TACC2: variants seen among roughly 807,000 people sequenced by gnomAD.
TACC2 encodes the protein transforming acidic coiled-coil-containing protein 2.
TACC2 carries 137 observed loss-of-function variants against 227.3 expected under a neutral mutation model. The observed-to-expected ratio is 0.60, with a 90% CI of 0.52 to 0.69. The LOEUF (loss-of-function observed/expected upper bound fraction) is 0.69. Among genes scored for constraint, TACC2 ranks in the 30% least tolerant of loss-of-function variants. The probability of loss-of-function intolerance (pLI) is 0.00; values close to 1 mark genes in which losing one functional copy is unlikely to be tolerated. For missense variants in TACC2, 3,470 were observed against 3,694.4 expected, an observed-to-expected ratio of 0.94 and a Z score of 1.57; for synonymous variants, 1,523 against 1,487.5, an observed-to-expected ratio of 1.02 and a Z score of -0.55.
chr10:121,991,440 C>G (rs4752630), intron 1 of TACC2, among the ~76,000 whole-genome samples: 24,261 of 152,220 alleles, frequency 0.16, 2,266 homozygotes, highest in Admixed American at 0.24. Flanking sequence ...CAAATAGGAA[C>G]TAATATGAAA....
intron 19 of TACC2, 72 bp from the exon 20 acceptor site, chr10:122,248,571 C>T: frequency 1.9e-6 from 3 of 1,582,468 alleles, no homozygotes; most frequent in Non-Finnish European, 2.6e-6. Flanking sequence ...GCATCTGAGG[C>T]CTCGGCTGGC....
Position 122,084,025 on chromosome 10 carries a change from G to C in TACC2, c.1525G>C (p.Val509Leu). Residue 509 changes from valine to leucine, a missense_variant, in exon 4 of 23, where the codon GTC becomes CTC. Transcript: ENST00000369005. ...CTTGAACACGGAGCAAAGCCATGAG[G>C]TCCAACCAGGAGTACCACCCCCTCC... Reference protein sequence around the residue: ...EHLNTEQSHEVQPGVPPPPLP... With the variant: ...EHLNTEQSHELQPGVPPPPLP... 2 of 1,613,906 alleles carry C rather than the reference G, an allele frequency of 1.2e-6. No homozygotes were observed. The highest frequency in any genetic ancestry group is 1.7e-6 in the Non-Finnish European group (2 of 1,179,964).
intron 12 of TACC2, 55 bp downstream of exon 12, chr10:122,224,842 C>A: frequency 1.4e-6 from 2 of 1,423,438 alleles, no homozygotes; most frequent in Non-Finnish European, 2.0e-6. Context: ...CCTTCAGGGG[C>A]CTCCTCCCCT....
intron 7 of TACC2, among the ~76,000 whole-genome samples, chr10:122,177,101 A>G (rs2093754537): frequency 6.6e-6 from 1 of 152,216 alleles, no homozygotes; most frequent in Admixed American, 6.5e-5. Flanking sequence ...GTGTTTTACA[A>G]AAGGGCAGCT....
At chr10:122,237,252 T>A (rs965615353) in intron 16 of TACC2, 143 bp from the exon 17 acceptor site, 1 of 786,722 alleles carries the variant, frequency 1.3e-6, no homozygotes, top group Non-Finnish European at 1.9e-6. Context: ...TCCCTGTTCA[T>A]CAGTCTTTGC....
chr10:122,168,554 G>A lies in TACC2; in HGVS notation c.5834+24848G>A, dbSNP rs138810856. Among the ~76,000 whole-genome samples, 556 of 152,248 alleles carry A rather than the reference G, an allele frequency of 3.7e-3. 4 individuals carry two copies. Among genetic ancestry groups the A allele is most frequent in the African/African-American group, 0.013 (528 of 41,548 alleles). ...GACTTGCCTGGAGGCTTTCTCTTAG[G>A]TGGGCTGAAGGCAAATATATTCCGA... On this transcript the variant is annotated intron_variant, in intron 7 of 22. Coordinates refer to ENST00000369005, the MANE Select transcript of TACC2 (RefSeq NM_206862.4).
chr10:121,995,985 C>T (rs1246805881), intron 1 of TACC2, among the ~76,000 whole-genome samples: 1 of 152,174 alleles, frequency 6.6e-6, no homozygotes, highest in East Asian at 1.9e-4. Context: ...AACTCCTGAC[C>T]TCGTGATCTG....
Position 122,193,844 on chromosome 10 carries a change from T to G in TACC2, c.5835-1196T>G, listed in dbSNP as rs540547597. Among the ~76,000 whole-genome samples the G allele has an allele frequency of 2.0e-5, 3 of 152,228 alleles. No individual in the cohort carries two copies. In the South Asian group the frequency reaches 6.2e-4, roughly 32 times the overall value. ...GGCTTAGTACTGGGGGAAGCCTTAT[T>G]CTTTCTGGCTTAAAATTGAGTCACC... is the stretch of plus-strand genomic sequence containing the variant. On this transcript the variant is annotated intron_variant, in intron 7 of 22. Coordinates refer to ENST00000369005, the MANE Select transcript of TACC2 (RefSeq NM_206862.4).
At position 122,211,403 on chromosome 10, in the gene TACC2, T is replaced by C; in HGVS notation, c.6978T>C (p.Asn2326=). ...CTCCCAGATCCCCTGCTGAACCCAA[T>C]GACATCCCCATTGCTAAAGGTACTT... The part of the protein sequence containing the change: ...ASPPRSPAEP[N]DIPIAKGTYT... The change falls in exon 9 of 23, where the codon AAT becomes AAC. Residue 2326 remains asparagine (N), a synonymous_variant. Transcript: ENST00000369005. 2 of 1,614,032 alleles carry C rather than the reference T, an allele frequency of 1.2e-6. No homozygotes were observed. The highest frequency in any genetic ancestry group is 1.1e-5 in the South Asian group (1 of 91,042).
chr10:122,131,075 G>A (rs2087985352), intron 5 of TACC2, among the ~76,000 whole-genome samples: 1 of 151,788 alleles, frequency 6.6e-6, no homozygotes, highest in Non-Finnish European at 1.5e-5. Context: ...CATTTGGGGA[G>A]GCTGAAGTGG....
intron 10 of TACC2, 38 bp downstream of exon 10, chr10:122,215,489 C>A (rs542046693): frequency 8.2e-6 from 13 of 1,579,324 alleles, no homozygotes; most frequent in South Asian, 6.6e-5. Flanking sequence ...TTTATGCCCC[C>A]CCCGGGGGAG....
Position 122,237,489 on chromosome 10 carries a change from T to C in TACC2, c.8222T>C (p.Leu2741Pro). 1 of 1,614,172 alleles carries C rather than the reference T, an allele frequency of 6.2e-7. No homozygotes were observed. The highest frequency in any genetic ancestry group is 8.5e-7 in the Non-Finnish European group (1 of 1,180,024). ...TAEVEKPAGL[L>P]FQQPDLDSAL... The stretch of plus-strand genomic sequence containing the variant: ...GAGGTGGAGAAACCTGCAGGCCTTC[T>C]GTTCCAGCAGCCCGACCTGGACTCT... Residue 2741 changes from leucine (L) to proline (P), a missense_variant, in exon 17 of 23, where the codon CTG becomes CCG. By Grantham distance (98) the Leu-to-Pro change is moderately conservative. Transcript: ENST00000369005.
intron 2 of TACC2, among the ~76,000 whole-genome samples, chr10:122,044,545 C>T (rs1408494281): frequency 6.6e-6 from 1 of 152,078 alleles, no homozygotes; most frequent in Non-Finnish European, 1.5e-5. Flanking sequence ...CCAAGGAGCT[C>T]GTTCAAAGAG....
At position 122,211,177 on chromosome 10, in the gene TACC2, G is replaced by A; in HGVS notation, c.6752G>A (p.Gly2251Glu). ...GGGGAGGTAACCCCATCGGATAGCG[G>A]GGGGCAAGAGGACTCTCCAGCCAAA... is the stretch of plus-strand genomic sequence containing the variant. ...EAGEVTPSDSGGQEDSPAKGL... is the reference protein window; with the variant it reads ...EAGEVTPSDSEGQEDSPAKGL... Residue 2251 changes from glycine (G) to glutamate (E), a missense_variant, in exon 9 of 23, where the codon GGG becomes GAG. Gly to Glu is a moderately conservative substitution (Grantham distance 98, BLOSUM62 -2). Coordinates refer to ENST00000369005, the MANE Select transcript of TACC2 (RefSeq NM_206862.4). The A allele has an allele frequency of 6.2e-7, 1 of 1,612,552 alleles. No individual in the cohort carries two copies. The highest frequency in any genetic ancestry group is 8.5e-7 in the Non-Finnish European group (1 of 1,179,276).
intron 5 of TACC2, among the ~76,000 whole-genome samples, chr10:122,124,750 A>G (rs963471919): frequency 2.6e-5 from 4 of 152,244 alleles, no homozygotes; most frequent in African/African-American, 9.6e-5. Flanking sequence ...AGTTGTAAGA[A>G]TACTACAAAA....
chr10:121,993,487 T>C (rs1039860430), intron 1 of TACC2, among the ~76,000 whole-genome samples: 2 of 152,244 alleles, frequency 1.3e-5, no homozygotes, highest in African/African-American at 4.8e-5. Context: ...GTTTCTTATG[T>C]GAGTTTCCAG....
intron 7 of TACC2, among the ~76,000 whole-genome samples, chr10:122,155,833 A>ATTTTTTTTTTTTTTTT: frequency 8.5e-6 from 1 of 118,304 alleles, no homozygotes; most frequent in Non-Finnish European, 1.7e-5. Flanking sequence ...TAGTGGGAAA[A>ATTTTTTTTTTTTTTTT]TTTTTTTTTT....
In TACC2 at chr10:122,050,432, G is replaced by T; in HGVS notation, c.34-6G>T. On this transcript the variant is annotated splice_polypyrimidine_tract_variant and splice_region_variant and intron_variant, in intron 2 of 22. Coordinates refer to ENST00000369005, the MANE Select transcript of TACC2 (RefSeq NM_206862.4). The surrounding 1 kb of genome is among the most constrained non-coding windows in gnomAD (Gnocchi z 4.6). The stretch of plus-strand genomic sequence containing the variant: ...TCCTTTCCAATTTCTTTTTCTCCTG[G>T]CTCAGAGGACTTTATCAGCTCAGAC... 3.1e-6 allele frequency: 5 copies of T among 1,610,046 alleles called. No homozygotes were observed. The highest frequency in any genetic ancestry group is 1.3e-5 in the African/African-American group (1 of 74,716).
At chr10:122,097,198 A>G (rs1048217042) in intron 5 of TACC2, among the ~76,000 whole-genome samples, 7 of 151,490 alleles carry the variant, frequency 4.6e-5, no homozygotes, top group African/African-American at 1.7e-4. Context: ...GTGTGGTGGT[A>G]CATGCCTGTG....
Sources: gnomAD v4.1 joint callset for allele counts (sites outside exome capture counted in the v4.1 genomes callset) on GRCh38, gnomAD v4.1.1 for gene constraint, Gnocchi (gnomAD v3.1) non-coding constraint, MANE v1.5 for transcripts, NCBI Gene and HGNC (gene_info 2026-07-23, HGNC 2026-07-21) for gene names.